The following EPHA6 variants were observed in gnomAD, a reference collection of about 807,000 sequenced individuals.
The protein encoded by EPHA6 is EPH receptor A6.
EPHA6 carries 50 observed loss-of-function variants against 112.0 expected under a neutral mutation model. That is an observed-to-expected ratio of 0.45 (90% CI 0.36 to 0.56). The LOEUF (loss-of-function observed/expected upper bound fraction) is 0.56, where lower values mean the gene tolerates loss of function less well. Ranked by LOEUF, EPHA6 falls within the 20% of genes least tolerant of loss-of-function variation. The probability of loss-of-function intolerance (pLI) is 0.00; values close to 1 mark genes in which losing one functional copy is unlikely to be tolerated. For synonymous variants in EPHA6, 529 were observed against 490.7 expected (o/e 1.08, Z -1.03); for missense variants, 1,280 against 1,417.4 (o/e 0.90, Z 1.56).
chr3:96,992,759 C>T (rs762631630), intron 3 of EPHA6, among the ~76,000 whole-genome samples: 42 of 152,106 alleles, frequency 2.8e-4, no homozygotes, highest in Admixed American at 7.9e-4. Flanking sequence ...ACAATCCATG[C>T]GTTTTTGTAT....
intron 10 of EPHA6, among the ~76,000 whole-genome samples, chr3:97,502,225 A>G (rs1014453834): frequency 6.8e-6 from 1 of 147,548 alleles, no homozygotes. Flanking sequence ...CTGGAGTGCA[A>G]TGGTGCAATC....
At chr3:97,013,480 A>G (rs987753053) in intron 3 of EPHA6, among the ~76,000 whole-genome samples, 16 of 152,092 alleles carry the variant, frequency 1.1e-4, no homozygotes, top group African/African-American at 3.9e-4. Flanking sequence ...ATGGAGGCCT[A>G]ATATTTACTG....
At chr3:96,856,453 T>G (rs2035704288) in intron 1 of EPHA6, among the ~76,000 whole-genome samples, 1 of 152,184 alleles carries the variant, frequency 6.6e-6, no homozygotes. Context: ...ATAAATCAAG[T>G]GAATCTACAG....
intron 10 of EPHA6, among the ~76,000 whole-genome samples, chr3:97,510,971 C>A (rs1028139233): frequency 1.3e-5 from 2 of 152,224 alleles, no homozygotes; most frequent in African/African-American, 4.8e-5. Flanking sequence ...CACTTCCCAG[C>A]AGCTTTGTTT....
chr3:97,127,233 A>G (rs1051759708), intron 3 of EPHA6, among the ~76,000 whole-genome samples: 1 of 152,188 alleles, frequency 6.6e-6, no homozygotes, highest in Non-Finnish European at 1.5e-5. Flanking sequence ...ATCTAATGGT[A>G]ATAAACTGGG....
intron 5 of EPHA6, among the ~76,000 whole-genome samples, chr3:97,267,136 T>C (rs1412803440): frequency 6.6e-6 from 1 of 152,160 alleles, no homozygotes; most frequent in Non-Finnish European, 1.5e-5. Flanking sequence ...CTTGTGAATA[T>C]GGATTTCTAC....
intron 5 of EPHA6, among the ~76,000 whole-genome samples, chr3:97,376,332 G>A (rs1387757084): frequency 6.6e-6 from 1 of 152,104 alleles, no homozygotes; most frequent in Non-Finnish European, 1.5e-5. Context: ...TGACCTATAT[G>A]TGGAAGTATT....
At chr3:96,890,174 A>G (rs1015777147) in intron 2 of EPHA6, among the ~76,000 whole-genome samples, 1 of 152,134 alleles carries the variant, frequency 6.6e-6, no homozygotes, top group Non-Finnish European at 1.5e-5. Flanking sequence ...CTACATTAAT[A>G]TTAAAGGCTT....
At chr3:97,297,088 C>T (rs1399451189) in intron 5 of EPHA6, among the ~76,000 whole-genome samples, 1 of 152,086 alleles carries the variant, frequency 6.6e-6, no homozygotes, top group Non-Finnish European at 1.5e-5. Flanking sequence ...CAGGCAGGTC[C>T]CTAGTCTAGT....
rs1401275297 is a variant in EPHA6, at chr3:97,749,945, G to A, written c.*1244G>A. Among the ~76,000 whole-genome samples the A allele has an allele frequency of 5.9e-5, 9 of 152,070 alleles. No homozygotes were observed. The highest frequency in any genetic ancestry group is 9.7e-5 in the African/African-American group (4 of 41,392). On this transcript the variant is annotated 3_prime_UTR_variant, in exon 18 of 18. Transcript: ENST00000389672. ...CATAGTGTGTCAACCTGGGTCCAACGTACAGTTACATAAAAATGAGAACAC... is the reference window on the plus strand; with the variant it reads ...CATAGTGTGTCAACCTGGGTCCAACATACAGTTACATAAAAATGAGAACAC...
At chr3:97,398,632 T>C (rs1380876573) in intron 5 of EPHA6, among the ~76,000 whole-genome samples, 1 of 151,464 alleles carries the variant, frequency 6.6e-6, no homozygotes, top group African/African-American at 2.4e-5. Flanking sequence ...GGTTGCTACA[T>C]AAAGAACATA....
Position 97,297,655 on chromosome 3 carries a change from A to G in EPHA6, c.1606+53368A>G, listed in dbSNP as rs1294829080. On this transcript the variant is annotated intron_variant, in intron 5 of 17. Transcript: ENST00000389672. ...ATATCTCAAGATGGATTAACTATAAAGCATTATATATGGCATACTATATCT... is the reference window on the plus strand; with the variant it reads ...ATATCTCAAGATGGATTAACTATAAGGCATTATATATGGCATACTATATCT... Among the ~76,000 whole-genome samples the G allele has an allele frequency of 2.0e-5, 3 of 152,368 alleles. No homozygotes were observed. In the East Asian group the frequency reaches 5.8e-4, roughly 29 times the overall value.
intron 14 of EPHA6, among the ~76,000 whole-genome samples, chr3:97,682,709 C>A (rs1156642919): frequency 2.6e-5 from 4 of 152,122 alleles, no homozygotes; most frequent in African/African-American, 7.2e-5. Flanking sequence ...AACACAGAAG[C>A]CCACCGTGCA....
intron 5 of EPHA6, among the ~76,000 whole-genome samples, chr3:97,264,209 C>T (rs1031122074): frequency 6.6e-6 from 1 of 152,244 alleles, no homozygotes; most frequent in Non-Finnish European, 1.5e-5. Flanking sequence ...TCCATCCACT[C>T]AGCCTGGCTG....
chr3:97,614,726 G>C (rs2093751327), intron 13 of EPHA6, among the ~76,000 whole-genome samples: 2 of 151,912 alleles, frequency 1.3e-5, no homozygotes, highest in South Asian at 4.2e-4. Context: ...AAAAATCTAG[G>C]AGAAATTAAT....
At chr3:97,115,881 A>G (rs1191900695) in intron 3 of EPHA6, among the ~76,000 whole-genome samples, 1 of 151,876 alleles carries the variant, frequency 6.6e-6, no homozygotes, top group African/African-American at 2.4e-5. Flanking sequence ...CATCATGTGA[A>G]AAGCACTTTT....
chr3:97,419,424 G>A (rs1322589179), intron 6 of EPHA6, among the ~76,000 whole-genome samples: 1 of 152,050 alleles, frequency 6.6e-6, no homozygotes, highest in Non-Finnish European at 1.5e-5. Flanking sequence ...AGCAGTTCAA[G>A]ACCAGCCTGG....
At chr3:97,557,040 T>G (rs1344755200) in intron 11 of EPHA6, among the ~76,000 whole-genome samples, 2 of 152,032 alleles carry the variant, frequency 1.3e-5, no homozygotes, top group Non-Finnish European at 2.9e-5. Flanking sequence ...TTCAATCTAT[T>G]GAAACTATGC....
intron 3 of EPHA6, among the ~76,000 whole-genome samples, chr3:97,078,520 G>T (rs1295520267): frequency 6.6e-6 from 1 of 151,996 alleles, no homozygotes; most frequent in Non-Finnish European, 1.5e-5. Flanking sequence ...GGGTTTTTAT[G>T]GTTTTAGGTC....
Sources: allele counts gnomAD v4.1 joint callset (sites outside exome capture counted in the v4.1 genomes callset), GRCh38; gene constraint gnomAD v4.1.1; transcripts MANE v1.5; gene names NCBI Gene and HGNC (gene_info 2026-07-23, HGNC 2026-07-21).